Variants in RPH3AL observed in about 807,000 individuals in gnomAD.
RPH3AL encodes the protein rabphilin 3A like (without C2 domains), also known as rab effector Noc2.
In RPH3AL, 38 loss-of-function variants were observed where a neutral mutation model predicts 43.1. The observed-to-expected ratio is 0.88, with a 90% CI of 0.68 to 1.15. The LOEUF is 1.15. RPH3AL is among the 50% of genes most tolerant of loss of function. The pLI is 0.00. For missense variants in RPH3AL, 462 were observed against 423.2 expected, an observed-to-expected ratio of 1.09 and a Z score of -0.81; for synonymous variants, 189 against 176.3, an observed-to-expected ratio of 1.07 and a Z score of -0.57.
At chr17:232,343 A>T (rs1038249611) in intron 7 of RPH3AL, among the ~76,000 whole-genome samples, 1 of 152,226 alleles carries the variant, frequency 6.6e-6, no homozygotes, top group African/African-American at 2.4e-5. Flanking sequence ...AGCGCCCAGG[A>T]CAGCCTGCAA....
intron 8 of RPH3AL, among the ~76,000 whole-genome samples, chr17:218,195 G>A (rs11658636): frequency 8.2e-6 from 1 of 122,008 alleles, no homozygotes. Flanking sequence ...CTTCTTCTGC[G>A]CTAAAATTGG....
intron 1 of RPH3AL, among the ~76,000 whole-genome samples, chr17:352,255 G>A (rs1460579266): frequency 1.3e-5 from 2 of 152,176 alleles, no homozygotes; most frequent in East Asian, 1.9e-4. Context: ...CCAACAGCAC[G>A]CTCTGGTCTG....
chr17:269,113 C>T (rs537964544), intron 6 of RPH3AL, among the ~76,000 whole-genome samples: 8 of 152,276 alleles, frequency 5.3e-5, no homozygotes, highest in East Asian at 1.9e-4. Context: ...CTCCTGACCT[C>T]ATAATCCGCC....
intron 2 of RPH3AL, chr17:331,563 G>A (rs751452386): frequency 7.9e-7 from 1 of 1,273,112 alleles, no homozygotes; most frequent in Admixed American, 2.3e-5. Context: ...GACAGATGGT[G>A]GGAGAGGAAG....
At chr17:239,108 A>G (rs1321871992) in intron 7 of RPH3AL, among the ~76,000 whole-genome samples, 2 of 152,052 alleles carry the variant, frequency 1.3e-5, no homozygotes, top group African/African-American at 4.8e-5. Flanking sequence ...CCCTGCTGGG[A>G]CCCACCAAGG....
At chr17:292,045 T>C (rs891821446) in intron 5 of RPH3AL, among the ~76,000 whole-genome samples, 2 of 152,210 alleles carry the variant, frequency 1.3e-5, no homozygotes, top group African/African-American at 2.4e-5. Flanking sequence ...CAGGTCTGGA[T>C]TTTTGCAGGT....
rs1428942689 is a variant in RPH3AL at position 274,197 on chromosome 17, C to T, written c.438+7571G>A. ...TCCTCCCAGCCCCAACTAACGCACC[C>T]ATGAAAGCACGTGGAAAAGGCACCG... On this transcript the variant is annotated intron_variant, in intron 6 of 9. Transcript: ENST00000331302. This position sits in a 1 kb window ranked among gnomAD's most constrained non-coding sequence, Gnocchi z 4.7. 2.0e-5 allele frequency among the ~76,000 whole-genome samples: 3 copies of T among 152,236 alleles called. No individual in the cohort carries two copies. Among genetic ancestry groups the T allele is most frequent in the African/African-American group, 7.2e-5 (3 of 41,458 alleles).
chr17:351,806 A>G (rs2045359020), intron 1 of RPH3AL, among the ~76,000 whole-genome samples: 1 of 152,248 alleles, frequency 6.6e-6, no homozygotes, highest in Non-Finnish European at 1.5e-5. Context: ...GGCAGATGAA[A>G]AAAAACAAGT....
chr17:220,439 A>C (rs2040940120), intron 7 of RPH3AL, among the ~76,000 whole-genome samples: 2 of 142,984 alleles, frequency 1.4e-5, no homozygotes, highest in African/African-American at 5.2e-5. Flanking sequence ...TCGGTGAGAC[A>C]ATAGACCCAA....
chr17:268,567 T>C (rs546359607), intron 6 of RPH3AL, among the ~76,000 whole-genome samples: 1 of 136,472 alleles, frequency 7.3e-6, no homozygotes, highest in African/African-American at 2.7e-5. Context: ...TTTTTTTTTT[T>C]TTTTTTTTTT....
intron 5 of RPH3AL, among the ~76,000 whole-genome samples, chr17:291,197 G>A (rs2043040586): frequency 2.0e-5 from 3 of 152,102 alleles, no homozygotes; most frequent in Admixed American, 2.0e-4. Flanking sequence ...ACAAGACACG[G>A]CCCTTTGTCC....
At chr17:316,560 G>T (rs2044210236) in intron 5 of RPH3AL, among the ~76,000 whole-genome samples, 1 of 140,442 alleles carries the variant, frequency 7.1e-6, no homozygotes, top group Non-Finnish European at 1.5e-5. Flanking sequence ...CTGACATGTA[G>T]TCCCTGTGCC....
intron 6 of RPH3AL, among the ~76,000 whole-genome samples, chr17:263,672 C>G (rs1555547053): frequency 6.6e-6 from 1 of 152,208 alleles, no homozygotes; most frequent in East Asian, 1.9e-4. Context: ...GGCTGGCACA[C>G]TGAATCTGGA....
intron 6 of RPH3AL, among the ~76,000 whole-genome samples, chr17:280,872 T>C (rs375541631): frequency 6.6e-5 from 10 of 152,142 alleles, no homozygotes; most frequent in African/African-American, 2.4e-4. Flanking sequence ...TTCAAAGACA[T>C]CATGGCTGAG....
In RPH3AL at chr17:235,765, G is replaced by C. The variant is rs1005581937; in HGVS notation, c.613+11346C>G. Among the ~76,000 whole-genome samples, 37 of 140,060 alleles carry C rather than the reference G, an allele frequency of 2.6e-4. No individual in the cohort carries two copies. The East Asian group carries it at 7.6e-3, about 29-fold the overall frequency. The allele number at this position is 140,060 out of a possible 152,430, so 91.9% of individuals were successfully genotyped here. On this transcript the variant is annotated intron_variant, in intron 7 of 9. Coordinates refer to ENST00000331302, the MANE Select transcript of RPH3AL (RefSeq NM_006987.4). ...AAGACGGATCCAGGGTTCAAAGCTG[G>C]GGTCGGCGGAGGCTCCGCACTAACA...
intron 5 of RPH3AL, among the ~76,000 whole-genome samples, chr17:286,185 C>T (rs1319320804): frequency 6.6e-6 from 1 of 152,204 alleles, no homozygotes; most frequent in African/African-American, 2.4e-5. Context: ...CCTCTACTCA[C>T]AGACCACGAG....
Position 291,150 on chromosome 17 carries a change from T to C in RPH3AL, c.352-9296A>G, listed in dbSNP as rs369037598. On this transcript the variant is annotated intron_variant, in intron 5 of 9. Coordinates refer to ENST00000331302, the MANE Select transcript of RPH3AL (RefSeq NM_006987.4). Reference sequence around the variant, plus strand: ...CAATTCACAAACATGTTTTCTATACTGTAGGGAAGGCATTATTCTAAGAAT... The same window carrying C: ...CAATTCACAAACATGTTTTCTATACCGTAGGGAAGGCATTATTCTAAGAAT... Among the ~76,000 whole-genome samples the C allele has an allele frequency of 1.3e-4, 20 of 152,330 alleles. No individual in the cohort carries two copies. The East Asian group carries it at 3.1e-3, about 24-fold the overall frequency.
chr17:257,726 A>G (rs2042089231), intron 6 of RPH3AL, among the ~76,000 whole-genome samples: 1 of 55,530 alleles, frequency 1.8e-5, no homozygotes, highest in African/African-American at 7.7e-5. Flanking sequence ...CTATGAGGGG[A>G]GCCGCACGGT....
chr17:294,176 G>A (rs2043114042), intron 5 of RPH3AL, among the ~76,000 whole-genome samples: 1 of 152,128 alleles, frequency 6.6e-6, no homozygotes, highest in Non-Finnish European at 1.5e-5. Flanking sequence ...AGCCCAGTGT[G>A]AGGTGTGAGG....
Sources: gnomAD v4.1 joint callset for allele counts (sites outside exome capture counted in the v4.1 genomes callset) on GRCh38, gnomAD v4.1.1 for gene constraint, Gnocchi (gnomAD v3.1) non-coding constraint, MANE v1.5 for transcripts, NCBI Gene and HGNC (gene_info 2026-07-23, HGNC 2026-07-21) for gene names.